The following MARCHF8 variants were observed in gnomAD, a reference collection of about 807,000 sequenced individuals.
MARCHF8 encodes membrane associated ring-CH-type finger 8.
MARCHF8 carries 40 observed loss-of-function variants against 51.6 expected under a neutral mutation model. The ratio of observed to expected loss-of-function variants is 0.77; its 90% CI spans 0.60 to 1.01. MARCHF8 has a LOEUF of 1.01. Among genes scored for constraint, MARCHF8 ranks in the 50% least tolerant of loss-of-function variants. MARCHF8 has a pLI of 0.00. For missense variants in MARCHF8, 685 were observed against 708.6 expected, an observed-to-expected ratio of 0.97 and a Z score of 0.38; for synonymous variants, 263 against 280.3, an observed-to-expected ratio of 0.94 and a Z score of 0.62.
chr10:45,484,298 T>A (rs986888283), intron 3 of MARCHF8, among the ~76,000 whole-genome samples: 1 of 152,176 alleles, frequency 6.6e-6, no homozygotes, highest in Non-Finnish European at 1.5e-5. Context: ...GGGAAGTACA[T>A]AGGGTGAGGA....
chr10:45,536,870 A>ATAATAATAATAATAATAATAG (rs1554817154), upstream of MARCHF8, among the ~76,000 whole-genome samples: 2 of 147,920 alleles, frequency 1.4e-5, no homozygotes, highest in African/African-American at 4.9e-5. Flanking sequence ...AATAATAATA[A>ATAATAATAATAATAATAATAG]TAATAATAAT....
At chr10:45,562,912 CG>C (rs1365488596) in intron 1 of MARCHF8, among the ~76,000 whole-genome samples, 1 of 150,808 alleles carries the variant, frequency 6.6e-6, no homozygotes, top group Non-Finnish European at 1.5e-5. Flanking sequence ...TTGAATAGTA[CG>C]GGTTTCCACT....
chr10:45,567,325 G>C (rs559304903), intron 1 of MARCHF8, among the ~76,000 whole-genome samples: 81 of 152,178 alleles, frequency 5.3e-4, no homozygotes, highest in Non-Finnish European at 1.0e-3. Flanking sequence ...GCCTGTACTT[G>C]TGGGTTATTG....
At chr10:45,526,860 CCTTAT>C (rs967240075) in intron 2 of MARCHF8, among the ~76,000 whole-genome samples, 11 of 152,134 alleles carry the variant, frequency 7.2e-5, no homozygotes, top group African/African-American at 2.4e-4. Context: ...CCAAGACAGA[CCTTAT>C]CTTAAGGAAT....
intron 1 of MARCHF8, among the ~76,000 whole-genome samples, chr10:45,558,295 A>C (rs1218501515): frequency 1.3e-5 from 2 of 152,212 alleles, no homozygotes. Context: ...ACGGACATTC[A>C]TTCTACAGCA....
At chr10:45,589,062 C>G (rs1438058633) in intron 1 of MARCHF8, among the ~76,000 whole-genome samples, 1 of 150,574 alleles carries the variant, frequency 6.6e-6, no homozygotes, top group African/African-American at 2.4e-5. Context: ...CCATAGTTTT[C>G]CAGAAAACTA....
Position 45,592,596 on chromosome 10 carries a change from T to C in MARCHF8, c.-79+1639A>G, listed in dbSNP as rs79835233. ...ACCAGAAGTATAAACCTAAACATTA[T>C]GTGATTATAGCAGAAATGGAACTAC... On this transcript the variant is annotated intron_variant, in intron 1 of 6. Transcript: ENST00000319836. Among the ~76,000 whole-genome samples, 2,268 of 152,280 alleles carry C rather than the reference T, an allele frequency of 0.015. 172 individuals are homozygous for C. The East Asian group carries it at 0.24, about 16-fold the overall frequency.
At chr10:45,507,331 G>C (rs1016722538) in intron 2 of MARCHF8, among the ~76,000 whole-genome samples, 2 of 152,200 alleles carry the variant, frequency 1.3e-5, no homozygotes, top group Non-Finnish European at 2.9e-5. Context: ...TTACTATAAA[G>C]GAATACCTGA....
chr10:45,526,725 G>GA (rs886516059), intron 2 of MARCHF8, among the ~76,000 whole-genome samples: 170 of 140,566 alleles, frequency 1.2e-3, no homozygotes, highest in East Asian at 2.3e-3. Flanking sequence ...GAAAAAAAAA[G>GA]AAAAAAAAAA....
intron 1 of MARCHF8, among the ~76,000 whole-genome samples, chr10:45,534,076 A>G (rs372936682): frequency 6.6e-6 from 1 of 152,112 alleles, no homozygotes; most frequent in Non-Finnish European, 1.5e-5. Context: ...GCAGCTACTC[A>G]GGAGGCTGAG....
intron 2 of MARCHF8, among the ~76,000 whole-genome samples, chr10:45,516,598 T>C (rs2043622926): frequency 1.3e-5 from 2 of 152,252 alleles, no homozygotes; most frequent in South Asian, 4.1e-4. Context: ...ACCCTATTTC[T>C]ACTAAAAATA....
intron 1 of MARCHF8, among the ~76,000 whole-genome samples, chr10:45,571,435 T>C (rs1170844911): frequency 1.3e-5 from 2 of 151,198 alleles, no homozygotes; most frequent in African/African-American, 4.9e-5. Flanking sequence ...CCCACCCAAA[T>C]CCTATAAAAT....
At chr10:45,524,582 A>T (rs753986059) in intron 2 of MARCHF8, among the ~76,000 whole-genome samples, 65 of 152,334 alleles carry the variant, frequency 4.3e-4, no homozygotes, top group Admixed American at 2.3e-3. Flanking sequence ...TATTTTAAAG[A>T]TGCATATTCA....
chr10:45,469,876 A>T (rs988948486), intron 3 of MARCHF8, among the ~76,000 whole-genome samples: 1 of 149,966 alleles, frequency 6.7e-6, no homozygotes, highest in African/African-American at 2.4e-5. Context: ...AAAAAAAAAA[A>T]AAAAAAAAAA....
At chr10:45,488,474 A>G (rs10900220) in intron 3 of MARCHF8, among the ~76,000 whole-genome samples, 48,750 of 151,838 alleles carry the variant, frequency 0.32, 7,999 homozygotes, top group Admixed American at 0.37. Context: ...AACATCTGTT[A>G]CAGGGAGCCG....
At chr10:45,509,273 G>A (rs1337073238) in intron 2 of MARCHF8, among the ~76,000 whole-genome samples, 2 of 152,214 alleles carry the variant, frequency 1.3e-5, no homozygotes, top group Admixed American at 1.3e-4. Context: ...AGGGATGACT[G>A]TAGTTTTTGT....
At chr10:45,527,211 A>G (rs530848755) in intron 2 of MARCHF8, among the ~76,000 whole-genome samples, 435 of 152,260 alleles carry the variant, frequency 2.9e-3, no homozygotes, top group African/African-American at 9.1e-3. Context: ...TTAACCTGAC[A>G]TAGTACCTCA....
At chr10:45,552,535 T>C (rs575910368) in intron 1 of MARCHF8, among the ~76,000 whole-genome samples, 21 of 151,950 alleles carry the variant, frequency 1.4e-4, no homozygotes, top group African/African-American at 3.6e-4. Context: ...TAGAGATTTT[T>C]AGTTTATTTT....
At chr10:45,594,674 G>T (rs867556113) in exon 1 of MARCHF8, 2 of 139,430 alleles carry the variant, frequency 1.4e-5, no homozygotes, top group Non-Finnish European at 1.5e-5. Context: ...CACACCCCCT[G>T]CCCGGGCCGG....
Sources: gnomAD v4.1 joint callset for allele counts (sites outside exome capture counted in the v4.1 genomes callset) on GRCh38, gnomAD v4.1.1 for gene constraint, MANE v1.5 for transcripts, NCBI Gene and HGNC (gene_info 2026-07-23, HGNC 2026-07-21) for gene names.